HIPK2: variants seen among roughly 807,000 people sequenced by gnomAD.
HIPK2 encodes the protein homeodomain interacting protein kinase 2, also known as homeodomain-interacting protein kinase 2.
HIPK2 carries 27 observed loss-of-function variants against 113.7 expected under a neutral mutation model. That is an observed-to-expected ratio of 0.24 (90% confidence interval 0.17 to 0.33). The LOEUF is 0.33. Ranked by LOEUF, HIPK2 falls within the 10% of genes least tolerant of loss-of-function variation. HIPK2 has a pLI of 1.00. For missense variants in HIPK2, 1,257 were observed against 1,588.0 expected (o/e 0.79, Z 3.54); for synonymous variants, 631 against 642.2 (o/e 0.98, Z 0.26).
In HIPK2 at chr7:139,716,879, G is replaced by A; in HGVS notation, c.156C>T (p.Ser52=). Residue 52 remains serine, a synonymous_variant, in exon 2 of 15, where the codon AGC becomes AGT. Transcript: ENST00000406875. The surrounding 1 kb of genome is among the most constrained non-coding windows in gnomAD (Gnocchi z 9.3). ...TGYGSHSKVY[S]QSKNIPLSQP... is the part of the protein sequence containing the mutation. ...GCGACAGGGGGATGTTCTTGCTCTG[G>A]CTATACACTTTGCTGTGGGAGCCGT... 1 of 1,613,876 alleles carries A rather than the reference G, an allele frequency of 6.2e-7. No homozygotes were observed. The highest frequency in any genetic ancestry group is 8.5e-7 in the Non-Finnish European group (1 of 1,179,858).
intron 2 of HIPK2, among the ~76,000 whole-genome samples, chr7:139,685,999 G>A (rs1794205357): frequency 1.3e-5 from 2 of 152,230 alleles, no homozygotes; most frequent in Non-Finnish European, 2.9e-5. Context: ...CATAGACAGT[G>A]AGTCCTCTGA....
chr7:139,763,472 G>GCCC (rs547691856), intron 1 of HIPK2, among the ~76,000 whole-genome samples: 51 of 100,794 alleles, frequency 5.1e-4, no homozygotes, highest in South Asian at 1.6e-3. Flanking sequence ...GCCGGAACAC[G>GCCC]CCCCCCCCCC....
At position 139,750,753 on chromosome 7, in the gene HIPK2, G is replaced by A. The variant is rs76449619; in HGVS notation, c.19+26852C>T. ...AACCCAGTTTTTCATCTGTTGTGGG[G>A]ATGCCAAACACCCTGTTCATGATAC... On this transcript the variant is annotated intron_variant, in intron 1 of 14. Coordinates refer to ENST00000406875, the MANE Select transcript of HIPK2 (RefSeq NM_022740.5). Among the ~76,000 whole-genome samples the A allele has an allele frequency of 9.6e-3, 1,469 of 152,300 alleles. 28 individuals carry two copies. The highest frequency in any genetic ancestry group is 0.033 in the African/African-American group (1,386 of 41,554).
At chr7:139,768,128 G>T (rs1014519455) in intron 1 of HIPK2, among the ~76,000 whole-genome samples, 1 of 152,242 alleles carries the variant, frequency 6.6e-6, no homozygotes, top group Non-Finnish European at 1.5e-5. Context: ...CACAGACCAG[G>T]AGTAGAGAGA....
Position 139,589,675 on chromosome 7 carries a change from GGTGACCT to G in HIPK2, c.2718-5618_2718-5612del, listed in dbSNP as rs1772297222. Among the ~76,000 whole-genome samples, 4 of 152,184 alleles carry G rather than the reference GGTGACCT, an allele frequency of 2.6e-5. No homozygotes were observed. In the South Asian group the frequency reaches 8.3e-4, roughly 31 times the overall value. ...TTGTGAGAGCTGACAGCTTGGCGTG[GGTGACCT>G]GTGAGAACTGAGGGCCATCTCCTTG... On this transcript the variant is annotated intron_variant, in intron 12 of 14. Coordinates refer to ENST00000406875, the MANE Select transcript of HIPK2 (RefSeq NM_022740.5).
At chr7:139,746,850 G>A (rs1404821502) in intron 1 of HIPK2, among the ~76,000 whole-genome samples, 2 of 152,060 alleles carry the variant, frequency 1.3e-5, no homozygotes, top group Non-Finnish European at 2.9e-5. Flanking sequence ...CCAGGGGAGA[G>A]GCAGGCTGTA....
intron 2 of HIPK2, among the ~76,000 whole-genome samples, chr7:139,648,445 A>T (rs1232550836): frequency 6.6e-6 from 1 of 152,208 alleles, no homozygotes; most frequent in Non-Finnish European, 1.5e-5. Context: ...CTAGCGGCAG[A>T]GAGAAGCGTG....
intron 2 of HIPK2, among the ~76,000 whole-genome samples, chr7:139,685,313 G>A (rs187406581): frequency 3.8e-3 from 582 of 152,250 alleles, no homozygotes; most frequent in Non-Finnish European, 6.4e-3. Flanking sequence ...TGGGATTACA[G>A]GCATGCAACA....
intron 2 of HIPK2, among the ~76,000 whole-genome samples, chr7:139,689,299 A>C (rs1794328056): frequency 6.6e-6 from 1 of 152,218 alleles, no homozygotes; most frequent in Admixed American, 6.5e-5. Flanking sequence ...TGCCTAATTC[A>C]ATCATCACAA....
chr7:139,585,083 AT>A (rs1356268218), intron 12 of HIPK2, among the ~76,000 whole-genome samples: 2 of 152,258 alleles, frequency 1.3e-5, no homozygotes, highest in African/African-American at 4.8e-5. Flanking sequence ...ATGAATGTGC[AT>A]CTATTTTTAT....
chr7:139,727,174 C>T (rs563888040), intron 1 of HIPK2, among the ~76,000 whole-genome samples: 36 of 152,156 alleles, frequency 2.4e-4, no homozygotes, highest in Non-Finnish European at 4.0e-4. Context: ...AAGTAATCCT[C>T]GGGGGCAGAG....
chr7:139,729,586 C>A (rs561065226), intron 1 of HIPK2, among the ~76,000 whole-genome samples: 4 of 152,278 alleles, frequency 2.6e-5, no homozygotes, highest in Non-Finnish European at 5.9e-5. Flanking sequence ...CCCTCTCTCA[C>A]CTGCCATCCA....
At chr7:139,755,004 T>G (rs1461195463) in intron 1 of HIPK2, among the ~76,000 whole-genome samples, 1 of 152,198 alleles carries the variant, frequency 6.6e-6, no homozygotes, top group Admixed American at 6.5e-5. Flanking sequence ...GTGATCTTTC[T>G]GTTCGGATAC....
At chr7:139,751,080 C>T (rs181138380) in intron 1 of HIPK2, among the ~76,000 whole-genome samples, 10 of 152,064 alleles carry the variant, frequency 6.6e-5, no homozygotes, top group East Asian at 3.9e-4. Context: ...TTGCAGTATA[C>T]GTATTTATAC....
chr7:139,775,380 T>C (rs1268618978), intron 1 of HIPK2, among the ~76,000 whole-genome samples: 1 of 152,154 alleles, frequency 6.6e-6, no homozygotes, highest in Admixed American at 6.5e-5. Flanking sequence ...AAGTCACCTG[T>C]CTGTTTTAGA....
In HIPK2 at chr7:139,716,376, C is replaced by T; in HGVS notation, c.659G>A (p.Gly220Asp). 1 of 1,614,100 alleles carries T rather than the reference C, an allele frequency of 6.2e-7. No individual in the cohort carries two copies. The highest frequency in any genetic ancestry group is 8.5e-7 in the Non-Finnish European group (1 of 1,180,006). Residue 220 changes from glycine (G) to aspartate (D), a missense_variant, in exon 2 of 15, where the codon GGC becomes GAC. Transcript: ENST00000406875. This position sits in a 1 kb window ranked among gnomAD's most constrained non-coding sequence, Gnocchi z 9.3. Reference protein sequence around the residue: ...FGQVVKCWKRGTNEIVAIKIL... With the variant: ...FGQVVKCWKRDTNEIVAIKIL... ...CTTGATGGCTACGATCTCATTGGTG[C>T]CCCGTTTCCAGCACTTGACCACTTG...
chr7:139,721,502 G>A (rs1297218920), intron 1 of HIPK2, among the ~76,000 whole-genome samples: 4 of 152,118 alleles, frequency 2.6e-5, no homozygotes, highest in Non-Finnish European at 5.9e-5. Context: ...TGCAGAGGGG[G>A]ACTCAATGTT....
chr7:139,747,192 C>T (rs576623131), intron 1 of HIPK2, among the ~76,000 whole-genome samples: 1 of 152,152 alleles, frequency 6.6e-6, no homozygotes, highest in Non-Finnish European at 1.5e-5. Context: ...GGTCACACTC[C>T]CTGCAGCAGC....
At chr7:139,688,655 T>C (rs1794302649) in intron 2 of HIPK2, among the ~76,000 whole-genome samples, 1 of 152,232 alleles carries the variant, frequency 6.6e-6, no homozygotes, top group Non-Finnish European at 1.5e-5. Flanking sequence ...CTCCCCTGAA[T>C]AATGTGGCAC....
Sources: gnomAD v4.1 joint callset for allele counts (sites outside exome capture counted in the v4.1 genomes callset) on GRCh38, gnomAD v4.1.1 for gene constraint, Gnocchi (gnomAD v3.1) non-coding constraint, MANE v1.5 for transcripts, NCBI Gene and HGNC (gene_info 2026-07-23, HGNC 2026-07-21) for gene names.